Variants in DHX36 observed in about 807,000 individuals in gnomAD.
DHX36 encodes ATP-dependent DNA/RNA helicase DHX36.
A neutral mutation model predicts 139.0 loss-of-function variants in DHX36; 50 were observed. That is an observed-to-expected ratio of 0.36 (90% CI 0.29 to 0.46). The LOEUF (loss-of-function observed/expected upper bound fraction) is 0.46, where lower values mean the gene tolerates loss of function less well. Among genes scored for constraint, DHX36 ranks in the 20% least tolerant of loss-of-function variants. DHX36 has a pLI of 1.00. For missense variants in DHX36, 1,024 were observed against 1,211.3 expected (o/e 0.85, Z 2.29); for synonymous variants, 425 against 401.9 (o/e 1.06, Z -0.69).
At chr3:154,283,000 C>A (rs936123336) in intron 20 of DHX36, among the ~76,000 whole-genome samples, 188 bp downstream of exon 20, 2 of 152,130 alleles carry the variant, frequency 1.3e-5, no homozygotes, top group Admixed American at 6.5e-5. Context: ...TCCTCTGGAA[C>A]CATGTTTCTT....
intron 1 of DHX36, among the ~76,000 whole-genome samples, chr3:154,321,716 T>C (rs1713192035): frequency 6.6e-6 from 1 of 152,220 alleles, no homozygotes; most frequent in Non-Finnish European, 1.5e-5. Context: ...CCCAGCACTT[T>C]GGGAGGCCAG....
At chr3:154,286,953 T>A (rs1001718694) in intron 17 of DHX36, among the ~76,000 whole-genome samples, 2 of 151,968 alleles carry the variant, frequency 1.3e-5, no homozygotes, top group African/African-American at 4.8e-5. Context: ...AGTCAAGACG[T>A]TTTTGAAGAA....
chr3:154,276,133 C>G lies in DHX36; in HGVS notation c.*38G>C. On this transcript the variant is annotated 3_prime_UTR_variant, in exon 25 of 25. Transcript: ENST00000496811. ...AAATTTAAACAATGATGAAGAATGG[C>G]TGTCAAACTGGCTTTTCAGACCACC... The G allele has an allele frequency of 6.3e-7, 1 of 1,575,150 alleles. No homozygotes were observed. Among genetic ancestry groups the G allele is most frequent in the South Asian group, 1.2e-5 (1 of 85,128 alleles).
chr3:154,285,108 A>G (rs1711509380), intron 17 of DHX36, 121 bp from the exon 18 acceptor site: 2 of 1,010,206 alleles, frequency 2.0e-6, no homozygotes, highest in African/African-American at 1.6e-5. Flanking sequence ...AAATGCCCAA[A>G]TATTGTTCAG....
intron 1 of DHX36, 145 bp from the exon 2 acceptor site, chr3:154,316,308 C>T: frequency 1.0e-6 from 1 of 969,926 alleles, no homozygotes. Context: ...TCCTCTAGCC[C>T]AATACCCCCC....
intron 12 of DHX36, among the ~76,000 whole-genome samples, chr3:154,296,476 A>AAATAAT (rs536569729): frequency 8.6e-5 from 13 of 151,258 alleles, no homozygotes; most frequent in Middle Eastern, 3.2e-3. Context: ...TCCGTCTCAA[A>AAATAAT]AATAATAATA....
intron 1 of DHX36, among the ~76,000 whole-genome samples, chr3:154,322,804 T>G (rs1334764892): frequency 1.3e-5 from 2 of 152,210 alleles, no homozygotes; most frequent in African/African-American, 4.8e-5. Flanking sequence ...GCAATATGCA[T>G]AAAACCTTGT....
intron 20 of DHX36, among the ~76,000 whole-genome samples, chr3:154,281,430 T>A (rs754000083): frequency 2.4e-4 from 37 of 151,834 alleles, no homozygotes; most frequent in Non-Finnish European, 3.2e-4. Context: ...GAAAAGTACT[T>A]CCCTTGCCTC....
chr3:154,316,016 T>A (rs562829364), intron 2 of DHX36, 23 bp downstream of exon 2: 1 of 1,604,760 alleles, frequency 6.2e-7, no homozygotes, highest in Non-Finnish European at 8.5e-7. Context: ...GCCTATTCTT[T>A]AAAAAAATAT....
At chr3:154,304,092 C>A (rs954924151) in intron 8 of DHX36, among the ~76,000 whole-genome samples, 4 of 152,008 alleles carry the variant, frequency 2.6e-5, no homozygotes, top group Admixed American at 2.0e-4. Context: ...TAACACCTAC[C>A]CCAACTAATC....
intron 3 of DHX36, among the ~76,000 whole-genome samples, chr3:154,312,888 TATATATATATATAA>T (rs1712824985): frequency 1.3e-5 from 1 of 79,944 alleles, no homozygotes; most frequent in Non-Finnish European, 2.5e-5. Context: ...TATATATATA[TATATATATATATAA>T]AATAAATAAA....
intron 17 of DHX36, 68 bp from the exon 18 acceptor site, chr3:154,285,055 G>C: frequency 6.6e-7 from 1 of 1,513,618 alleles, no homozygotes; most frequent in Admixed American, 1.8e-5. Context: ...ATTTTAGCTT[G>C]CTTTAAAAAG....
chr3:154,300,905 A>T (rs1480620382), intron 10 of DHX36, 82 bp downstream of exon 10: 8 of 1,551,386 alleles, frequency 5.2e-6, no homozygotes. Flanking sequence ...AAGTACGTAC[A>T]GATTCAAGAA....
intron 19 of DHX36, 113 bp downstream of exon 19, chr3:154,284,470 C>T (rs962282127): frequency 5.3e-5 from 48 of 912,684 alleles, no homozygotes; most frequent in Non-Finnish European, 6.5e-5. Flanking sequence ...CATGAGCCAC[C>T]GCGCCCGGCC....
chr3:154,317,762 G>A (rs894727434), intron 1 of DHX36, among the ~76,000 whole-genome samples: 2 of 152,022 alleles, frequency 1.3e-5, no homozygotes, highest in African/African-American at 4.8e-5. Context: ...CAGGAGCTAG[G>A]GTAAGGAGAC....
rs1334781429 is a variant in DHX36, at chr3:154,280,615, G to C, written c.2531C>G (p.Ala844Gly). The C allele has an allele frequency of 1.2e-6, 2 of 1,612,462 alleles. No homozygotes were observed. ...VICAGLYPKV[A>G]KIRLNLGKKR... Reference sequence around the variant, plus strand: ...TTTACCCAAATTTAGTCGAATTTTAGCAACTTTGGGATATAAACCAGCACA... The same window carrying C: ...TTTACCCAAATTTAGTCGAATTTTACCAACTTTGGGATATAAACCAGCACA... The change falls in exon 22 of 25, where the codon GCT (alanine) becomes GGT (glycine). Residue 844 changes from alanine to glycine, a missense_variant. By Grantham distance (60) the Ala-to-Gly change is moderately conservative. This residue lies in a region of DHX36 where 470 missense variants were observed against 616.2 expected (regional missense o/e 0.76). Transcript: ENST00000496811.
intron 1 of DHX36, among the ~76,000 whole-genome samples, chr3:154,323,857 AC>A (rs1321317801): frequency 6.6e-6 from 1 of 152,200 alleles, no homozygotes; most frequent in Non-Finnish European, 1.5e-5. Flanking sequence ...GGCCAGAGAT[AC>A]GACAACGACA....
At chr3:154,283,350 A>G in intron 19 of DHX36, 79 bp from the exon 20 acceptor site, 2 of 971,448 alleles carry the variant, frequency 2.1e-6, no homozygotes, top group Admixed American at 2.0e-5. Context: ...TTACTTTAGT[A>G]AAAGCTTAAT....
In DHX36 at chr3:154,299,817, TA is replaced by T. The variant is rs1559952951; in HGVS notation, c.1549+20del. The T allele has an allele frequency of 6.5e-7, 1 of 1,531,104 alleles. No homozygotes were observed. The highest frequency in any genetic ancestry group is 9.1e-7 in the Non-Finnish European group (1 of 1,104,644). The allele number at this position is 1,531,104 out of a possible 1,614,324, so 94.8% of individuals were successfully genotyped here. A position where few individuals can be genotyped will look rare whatever the true frequency, so the allele number is the denominator to read the frequency against. On this transcript the variant is annotated intron_variant, in intron 12 of 24. Coordinates refer to ENST00000496811, the MANE Select transcript of DHX36 (RefSeq NM_020865.3). ...TCAAATACCACTCTTTGAATTACAG[TA>T]AAATACATTTACATAGTACCTGATT... is the stretch of plus-strand genomic sequence containing the variant.
Sources: allele counts gnomAD v4.1 joint callset (sites outside exome capture counted in the v4.1 genomes callset), GRCh38; gene constraint gnomAD v4.1.1; regional missense constraint gnomAD v4.1.1; transcripts MANE v1.5; gene names NCBI Gene and HGNC (gene_info 2026-07-23, HGNC 2026-07-21).